AGTPBP1: variants seen among roughly 807,000 people sequenced by gnomAD.
The protein encoded by AGTPBP1 is ATP/GTP binding carboxypeptidase 1, also known as cytosolic carboxypeptidase 1.
In AGTPBP1, 70 loss-of-function variants were observed where a neutral mutation model predicts 143.9. The observed-to-expected ratio is 0.49, with a 90% CI of 0.40 to 0.59. The LOEUF is 0.59. Ranked by LOEUF, AGTPBP1 falls within the 20% of genes least tolerant of loss-of-function variation. The pLI is 0.00. For missense variants in AGTPBP1, 1,229 were observed against 1,464.5 expected (o/e 0.84, Z 2.62); for synonymous variants, 463 against 500.2 (o/e 0.93, Z 0.99).
At chr9:85,655,096 A>G in intron 11 of AGTPBP1, 47 bp downstream of exon 11, 2 of 1,466,284 alleles carry the variant, frequency 1.4e-6, no homozygotes. Flanking sequence ...ACAGGGTCAC[A>G]TAATTCTAAG....
chr9:85,690,925 A>G (rs1437722802), intron 3 of AGTPBP1, among the ~76,000 whole-genome samples: 1 of 152,146 alleles, frequency 6.6e-6, no homozygotes, highest in African/African-American at 2.4e-5. Flanking sequence ...GTAATGCTGG[A>G]GTAGGGGTTC....
At chr9:85,778,729 GAAT>G in the AGTPBP1 span, among the ~76,000 whole-genome samples, 2 of 152,260 alleles carry the variant, frequency 1.3e-5, no homozygotes, top group East Asian at 3.9e-4. Flanking sequence ...ACCTTAGAAG[GAAT>G]ATCTCGACAG....
At chr9:85,696,464 TCGAGAC>T (rs879757634) in intron 2 of AGTPBP1, among the ~76,000 whole-genome samples, 44 of 152,076 alleles carry the variant, frequency 2.9e-4, no homozygotes, top group Non-Finnish European at 6.0e-4. Flanking sequence ...GGTCGAGAGC[TCGAGAC>T]CAGCCTGGTC....
At chr9:85,684,607 A>T (rs1187647619) in intron 3 of AGTPBP1, among the ~76,000 whole-genome samples, 1 of 151,926 alleles carries the variant, frequency 6.6e-6, no homozygotes, top group Non-Finnish European at 1.5e-5. Context: ...TTCATTTGCC[A>T]TTCACATTAT....
chr9:85,707,913 G>C (rs1263402190), intron 2 of AGTPBP1, among the ~76,000 whole-genome samples: 2 of 151,830 alleles, frequency 1.3e-5, no homozygotes, highest in Non-Finnish European at 2.9e-5. Context: ...AGGCCTGTTC[G>C]GGGGTGGGGG....
chr9:85,687,045 G>T (rs1835528240), intron 3 of AGTPBP1, among the ~76,000 whole-genome samples: 1 of 152,106 alleles, frequency 6.6e-6, no homozygotes, highest in Non-Finnish European at 1.5e-5. Flanking sequence ...ATGAAAAAAG[G>T]TACGATATGC....
intron 14 of AGTPBP1, among the ~76,000 whole-genome samples, chr9:85,623,870 T>C (rs1200450755): frequency 6.6e-6 from 1 of 152,190 alleles, no homozygotes; most frequent in Non-Finnish European, 1.5e-5. Flanking sequence ...CAGCCACCTA[T>C]TGAAATACAT....
At chr9:85,549,158 A>G (rs190891321) in intron 25 of AGTPBP1, among the ~76,000 whole-genome samples, 1 of 152,336 alleles carries the variant, frequency 6.6e-6, no homozygotes, top group East Asian at 1.9e-4. Context: ...TTCTCTTGCC[A>G]CATACTTATT....
At chr9:85,657,721 T>TG in intron 9 of AGTPBP1, 78 bp from the exon 10 acceptor site, 2 of 985,962 alleles carry the variant, frequency 2.0e-6, no homozygotes, top group Non-Finnish European at 3.0e-6. Flanking sequence ...TTTAAAATAT[T>TG]ACCTCAATAT....
intron 14 of AGTPBP1, among the ~76,000 whole-genome samples, chr9:85,626,286 CT>C (rs1831290598): frequency 6.6e-6 from 1 of 152,080 alleles, no homozygotes; most frequent in Non-Finnish European, 1.5e-5. Flanking sequence ...ACTGAACTTT[CT>C]TTAAAACAGT....
At chr9:85,760,926 G>A in the AGTPBP1 span, among the ~76,000 whole-genome samples, 1 of 152,110 alleles carries the variant, frequency 6.6e-6, no homozygotes, top group Admixed American at 6.5e-5. Flanking sequence ...AAAGTCTCAG[G>A]ATACAAAATC....
the AGTPBP1 span, among the ~76,000 whole-genome samples, chr9:85,789,219 C>T: frequency 6.6e-5 from 10 of 152,074 alleles, no homozygotes; most frequent in South Asian, 1.7e-3. Context: ...ATATAAATAA[C>T]GTCGTGAATA....
chr9:85,655,012 T>C (rs1017979791), intron 11 of AGTPBP1, 131 bp downstream of exon 11: 8 of 809,942 alleles, frequency 9.9e-6, no homozygotes, highest in Non-Finnish European at 1.4e-5. Context: ...TTAACTAAAA[T>C]AAAATGTGAA....
intron 24 of AGTPBP1, 82 bp downstream of exon 24, chr9:85,578,836 AAT>A: frequency 7.5e-7 from 1 of 1,330,234 alleles, no homozygotes; most frequent in Non-Finnish European, 1.0e-6. Context: ...AACATCATTT[AAT>A]ATATACTTAA....
chr9:85,770,369 G>T, the AGTPBP1 span: 2 of 1,605,946 alleles, frequency 1.2e-6, no homozygotes, highest in African/African-American at 2.7e-5. Flanking sequence ...ATCCAGAATT[G>T]CCAGAAGTCA....
the AGTPBP1 span, chr9:85,756,365 T>C: frequency 8.9e-7 from 1 of 1,120,496 alleles, no homozygotes; most frequent in Admixed American, 3.6e-5. Flanking sequence ...GTGGAGAAAT[T>C]GGGACCTTCA....
At chr9:85,717,684 T>TC (rs1404543386) in intron 1 of AGTPBP1, among the ~76,000 whole-genome samples, 49 of 151,972 alleles carry the variant, frequency 3.2e-4, no homozygotes, top group South Asian at 4.1e-4. Flanking sequence ...TCCTTTTTTT[T>TC]TTTTTTTTAA....
intron 11 of AGTPBP1, among the ~76,000 whole-genome samples, chr9:85,652,275 C>T (rs971590937): frequency 2.0e-5 from 3 of 152,136 alleles, no homozygotes; most frequent in African/African-American, 7.2e-5. Context: ...CTTTGGGAGG[C>T]TGAGGCAGGC....
intron 8 of AGTPBP1, among the ~76,000 whole-genome samples, chr9:85,662,565 C>T (rs1043946964): frequency 2.0e-5 from 3 of 151,946 alleles, no homozygotes; most frequent in Non-Finnish European, 4.4e-5. Flanking sequence ...TATGAGACTG[C>T]GATTTATAAA....
Sources: allele counts gnomAD v4.1 joint callset (sites outside exome capture counted in the v4.1 genomes callset), GRCh38; gene constraint gnomAD v4.1.1; transcripts MANE v1.5; gene names NCBI Gene and HGNC (gene_info 2026-07-23, HGNC 2026-07-21).